Variants in DCC observed in about 807,000 individuals in gnomAD.
The protein encoded by DCC is DCC netrin 1 receptor.
A neutral mutation model predicts 172.5 loss-of-function variants in DCC; 58 were observed. That is an observed-to-expected ratio of 0.34 (90% CI 0.27 to 0.42). The LOEUF is 0.42. Among genes scored for constraint, DCC ranks in the 10% least tolerant of loss-of-function variants. DCC has a pLI of 1.00. For missense variants in DCC, 1,740 were observed against 1,791.0 expected, an observed-to-expected ratio of 0.97 and a Z score of 0.51; for synonymous variants, 709 against 644.5, an observed-to-expected ratio of 1.10 and a Z score of -1.52.
At position 53,118,413 on chromosome 18, in the gene DCC, G is replaced by A. The variant is rs552150445; in HGVS notation, c.1262-38943G>A. 6.6e-5 allele frequency among the ~76,000 whole-genome samples: 10 copies of A among 151,840 alleles called. No homozygotes were observed. In the South Asian group the frequency reaches 1.5e-3, roughly 22 times the overall value. ...TGTCACGCATAAAGAAACCTCATTT[G>A]AGTGATTATTCCATGTCATTCTTGG... On this transcript the variant is annotated intron_variant, in intron 7 of 28. Transcript: ENST00000442544.
At chr18:52,687,255 C>T (rs1261278991) in intron 1 of DCC, among the ~76,000 whole-genome samples, 4 of 150,336 alleles carry the variant, frequency 2.7e-5, no homozygotes, top group African/African-American at 7.3e-5. Flanking sequence ...AAAGGCTAGG[C>T]TAGTCGTTAG....
intron 1 of DCC, among the ~76,000 whole-genome samples, chr18:52,656,830 G>C (rs1048062049): frequency 1.3e-5 from 2 of 152,096 alleles, no homozygotes; most frequent in African/African-American, 4.8e-5. Flanking sequence ...GACTGTATCT[G>C]AGAGTGGCAT....
intron 5 of DCC, among the ~76,000 whole-genome samples, chr18:52,981,869 T>C (rs1459952520): frequency 6.6e-6 from 1 of 152,042 alleles, no homozygotes; most frequent in African/African-American, 2.4e-5. Context: ...TATAGATGAA[T>C]AATGGAGAGA....
intron 10 of DCC, among the ~76,000 whole-genome samples, chr18:53,207,397 G>A (rs981966551): frequency 2.0e-5 from 3 of 152,172 alleles, no homozygotes; most frequent in Non-Finnish European, 4.4e-5. Context: ...GAGGGTTTAG[G>A]TGTGGGTAGA....
intron 2 of DCC, among the ~76,000 whole-genome samples, chr18:52,802,963 A>T (rs993711384): frequency 6.6e-6 from 1 of 152,036 alleles, no homozygotes; most frequent in Non-Finnish European, 1.5e-5. Flanking sequence ...AGAAAACCAT[A>T]AGGAAGAGAA....
intron 5 of DCC, among the ~76,000 whole-genome samples, chr18:52,957,148 C>T (rs978744088): frequency 5.3e-5 from 8 of 152,028 alleles, no homozygotes; most frequent in Non-Finnish European, 7.4e-5. Context: ...AAAAGGTTTG[C>T]TAGTTCAGTA....
chr18:53,468,722 C>G (rs1024832142), intron 25 of DCC, among the ~76,000 whole-genome samples: 1 of 152,126 alleles, frequency 6.6e-6, no homozygotes, highest in Non-Finnish European at 1.5e-5. Context: ...GAGTCTAATT[C>G]TCACACTTAA....
chr18:52,665,888 C>T (rs1016697195), intron 1 of DCC, among the ~76,000 whole-genome samples: 6 of 152,160 alleles, frequency 3.9e-5, no homozygotes, highest in South Asian at 2.1e-4. Context: ...TGCCTTGTTT[C>T]TCAGAGGTTC....
intron 1 of DCC, among the ~76,000 whole-genome samples, chr18:52,655,956 A>G (rs541617786): frequency 5.8e-4 from 78 of 135,410 alleles, no homozygotes; most frequent in African/African-American, 1.9e-3. Flanking sequence ...TTAAATATAT[A>G]TGTGTGTGTG....
intron 2 of DCC, among the ~76,000 whole-genome samples, chr18:52,896,150 T>C (rs2039726547): frequency 2.0e-5 from 3 of 152,326 alleles, no homozygotes; most frequent in Middle Eastern, 3.4e-3. Flanking sequence ...ATTCACACTT[T>C]CACAGTATTG....
intron 5 of DCC, among the ~76,000 whole-genome samples, chr18:53,049,760 T>C (rs548641919): frequency 9.8e-4 from 149 of 152,230 alleles, no homozygotes; most frequent in African/African-American, 3.4e-3. Flanking sequence ...AGAAATAGCA[T>C]TGAGTCTATA....
At position 52,401,069 on chromosome 18, in the gene DCC, G is replaced by A. The variant is rs186869032; in HGVS notation, c.91+60191G>A. ...GTATACATATGTAACAAACCTGCAC[G>A]TTCTGCACATGTATCCCAGAACTTA... On this transcript the variant is annotated intron_variant, in intron 1 of 28. Coordinates refer to ENST00000442544, the MANE Select transcript of DCC (RefSeq NM_005215.4). Among the ~76,000 whole-genome samples the A allele has an allele frequency of 1.2e-3, 175 of 151,852 alleles. 1 individual carries two copies. The South Asian group carries it at 0.018, about 16-fold the overall frequency.
intron 1 of DCC, among the ~76,000 whole-genome samples, chr18:52,523,376 A>G (rs2031880347): frequency 6.6e-6 from 1 of 152,158 alleles, no homozygotes; most frequent in Non-Finnish European, 1.5e-5. Context: ...CTTAGAGTAG[A>G]TGACCTCTCA....
intron 5 of DCC, among the ~76,000 whole-genome samples, chr18:52,932,803 A>G (rs528325114): frequency 2.6e-5 from 4 of 151,680 alleles, no homozygotes; most frequent in Admixed American, 6.6e-5. Flanking sequence ...ATATACATAA[A>G]CATAGTATAT....
intron 7 of DCC, among the ~76,000 whole-genome samples, chr18:53,076,090 C>T (rs2042721771): frequency 6.6e-6 from 1 of 152,150 alleles, no homozygotes; most frequent in African/African-American, 2.4e-5. Context: ...TTCCCAACTC[C>T]TCTTAATGAC....
chr18:53,041,281 C>T (rs1363990626), intron 5 of DCC, among the ~76,000 whole-genome samples: 1 of 151,988 alleles, frequency 6.6e-6, no homozygotes, highest in Non-Finnish European at 1.5e-5. Flanking sequence ...ATCATTTCCC[C>T]ATTGCTTGTT....
chr18:53,271,129 G>C (rs1201493777), intron 12 of DCC, among the ~76,000 whole-genome samples: 2 of 152,042 alleles, frequency 1.3e-5, no homozygotes, highest in Non-Finnish European at 2.9e-5. Context: ...CCACATATCA[G>C]CCTATATAAT....
intron 11 of DCC, 150 bp from the exon 12 acceptor site, chr18:53,215,398 C>T: frequency 1.4e-6 from 1 of 709,720 alleles, no homozygotes; most frequent in Non-Finnish European, 2.5e-6. Flanking sequence ...TTCATCTCTC[C>T]AAAAATTTTT....
intron 2 of DCC, among the ~76,000 whole-genome samples, chr18:52,896,484 G>C (rs181704562): frequency 5.6e-4 from 86 of 152,228 alleles, no homozygotes; most frequent in African/African-American, 2.0e-3. Flanking sequence ...CTGTAAGAAG[G>C]ACTTCATTCT....
Sources: gnomAD v4.1 joint callset for allele counts (sites outside exome capture counted in the v4.1 genomes callset) on GRCh38, gnomAD v4.1.1 for gene constraint, MANE v1.5 for transcripts, NCBI Gene and HGNC (gene_info 2026-07-23, HGNC 2026-07-21) for gene names.